The following IPO4 variants were observed in gnomAD, a reference collection of about 807,000 sequenced individuals.
IPO4 encodes the protein importin-4.
IPO4 carries 91 observed loss-of-function variants against 133.5 expected under a neutral mutation model. The observed-to-expected ratio is 0.68, with a 90% CI of 0.58 to 0.81. The LOEUF (loss-of-function observed/expected upper bound fraction) is 0.81, where lower values mean the gene tolerates loss of function less well. IPO4 is among the 30% of genes least tolerant of loss of function. IPO4 has a pLI of 0.00. For missense variants in IPO4, 1,279 were observed against 1,386.2 expected, an observed-to-expected ratio of 0.92 and a Z score of 1.23; for synonymous variants, 607 against 581.6, an observed-to-expected ratio of 1.04 and a Z score of -0.63.
intron 16 of IPO4, 69 bp downstream of exon 16, chr14:24,184,581 C>A: frequency 7.1e-7 from 1 of 1,412,390 alleles, no homozygotes; most frequent in South Asian, 1.4e-5. Flanking sequence ...TGGGGGCAAT[C>A]TGTCAACACC....
rs2039268055 is a variant in IPO4 at position 24,188,779 on chromosome 14, T to G, written c.9A>C (p.Ser3=). ME[S]AGLEQLLREL... The stretch of plus-strand genomic sequence containing the variant: ...CCCGTAGGAGCTGCTCTAGCCCGGC[T>G]GACTCCATGGCAGCAACTGAGCCGC... Residue 3 remains serine (S), a synonymous_variant, in exon 1 of 30, where the codon TCA becomes TCC. Transcript: ENST00000354464. 2 of 1,508,980 alleles carry G rather than the reference T, an allele frequency of 1.3e-6. No homozygotes were observed. The highest frequency in any genetic ancestry group is 1.8e-6 in the Non-Finnish European group (2 of 1,130,706). 93.5% of individuals were successfully genotyped at this position (1,508,980 alleles called of 1,614,324 possible). A position where few individuals can be genotyped will look rare whatever the true frequency, so the allele number is the denominator to read the frequency against.
At position 24,188,560 on chromosome 14, in the gene IPO4, C is replaced by G; in HGVS notation, c.148G>C (p.Asp50His). ...ALCDLLASAA[D>H]PQIRQFAAVL... ...AGAGTCAGGGGTCTCACCTGGGGGT[C>G]GGCCGCCGAGGCTAGCAGGTCGCAG... Residue 50 changes from aspartate to histidine, a missense_variant, in exon 2 of 30, where the codon GAC (aspartate) becomes CAC (histidine). By Grantham distance (81) the Asp-to-His change is moderately conservative (BLOSUM62 -1). Transcript: ENST00000354464. 4.3e-6 allele frequency: 7 copies of G among 1,612,220 alleles called. No individual in the cohort carries two copies. The highest frequency in any genetic ancestry group is 5.9e-6 in the Non-Finnish European group (7 of 1,179,368).
intron 23 of IPO4, 29 bp from the exon 24 acceptor site, chr14:24,182,871 C>T (rs775112476): frequency 6.2e-7 from 1 of 1,609,654 alleles, no homozygotes; most frequent in Non-Finnish European, 8.5e-7. Context: ...CTTAGCGGAG[C>T]TTTCACGCCC....
intron 12 of IPO4, 116 bp downstream of exon 12, chr14:24,185,745 C>A: frequency 2.0e-6 from 2 of 985,474 alleles, no homozygotes; most frequent in Non-Finnish European, 3.2e-6. Flanking sequence ...AGCCAGGACA[C>A]TTTTGATAAT....
chr14:24,181,370 G>T, intron 28 of IPO4, 143 bp downstream of exon 28: 2 of 663,330 alleles, frequency 3.0e-6, no homozygotes, highest in Admixed American at 4.8e-5. Flanking sequence ...ATGGTGCAGG[G>T]AGTACCAAAA....
At position 24,184,851 on chromosome 14, in the gene IPO4, C is replaced by T; in HGVS notation, c.1522+16G>A. Reference sequence around the variant, plus strand: ...TGGGTGAACCCCACATCCCTGCCTCCTGCCTCTCTCCTCACCAATGGCTCC... The same window carrying T: ...TGGGTGAACCCCACATCCCTGCCTCTTGCCTCTCTCCTCACCAATGGCTCC... On this transcript the variant is annotated intron_variant, in intron 15 of 29. Transcript: ENST00000354464. 6.2e-7 allele frequency: 1 copy of T among 1,611,934 alleles called. No homozygotes were observed. The highest frequency in any genetic ancestry group is 1.3e-5 in the African/African-American group (1 of 75,020).
Position 24,184,751 on chromosome 14 carries a change from T to G in IPO4, c.1535A>C (p.Gln512Pro), listed in dbSNP as rs373992845. ...AGGGAAGTAGGGCAGCAGCGAGGCC[T>G]GGGCAGCCGTAGCTGCAGGATGGAA... is the stretch of plus-strand genomic sequence containing the variant. ...SALGAIATAA[Q>P]ASLLPYFPAI... The change falls in exon 16 of 30, where the codon CAG becomes CCG. Residue 512 changes from glutamine (Q) to proline (P), a missense_variant. Gln to Pro is a moderately conservative substitution (Grantham distance 76, BLOSUM62 -1). Around this residue, in one of 3 missense-constraint regions of IPO4, gnomAD observed 695 missense variants for 704.1 expected, o/e 0.99. Coordinates refer to ENST00000354464, the MANE Select transcript of IPO4 (RefSeq NM_024658.4). 6.2e-7 allele frequency: 1 copy of G among 1,611,906 alleles called. No homozygotes were observed.
intron 28 of IPO4, among the ~76,000 whole-genome samples, 192 bp from the exon 29 acceptor site, chr14:24,180,950 G>A (rs2039127588): frequency 6.6e-6 from 1 of 152,018 alleles, no homozygotes. Context: ...TTTTTTGGAG[G>A]GAATGGGGGA....
Position 24,181,756 on chromosome 14 carries a change from A to T in IPO4, c.2895T>A (p.Leu965=). ...DRVRDNICGA[L]ARLLMASPTR... Reference sequence around the variant, plus strand: ...TGGGACTGGCCATCAACAGGCGGGCAAGTGCCCCACAGATGTTGTCACGGA... The same window carrying T: ...TGGGACTGGCCATCAACAGGCGGGCTAGTGCCCCACAGATGTTGTCACGGA... The change falls in exon 27 of 30, where the codon CTT becomes CTA. Residue 965 remains leucine, a synonymous_variant. Transcript: ENST00000354464. The T allele has an allele frequency of 6.2e-7, 1 of 1,602,474 alleles. No individual in the cohort carries two copies. Among genetic ancestry groups the T allele is most frequent in the Non-Finnish European group, 8.5e-7 (1 of 1,172,622 alleles).
intron 6 of IPO4, 71 bp downstream of exon 6, chr14:24,187,329 G>T: frequency 1.9e-6 from 3 of 1,564,542 alleles, no homozygotes; most frequent in Admixed American, 1.7e-5. Flanking sequence ...AAGCAGCTTT[G>T]TAACTTTTAC....
chr14:24,183,319 C>A lies in IPO4; in HGVS notation c.2158G>T (p.Ala720Ser). 1 of 1,612,984 alleles carries A rather than the reference C, an allele frequency of 6.2e-7. No homozygotes were observed. Among genetic ancestry groups the A allele is most frequent in the Non-Finnish European group, 8.5e-7 (1 of 1,179,486 alleles). ...HLNVRKAAHE[A>S]LGQFCCALHK... is the part of the protein sequence containing the mutation. Reference sequence around the variant, plus strand: ...AGTGCACAGCAAAACTGACCCAGAGCCTCATGGGCTGCCTTCCGCACATTC... The same window carrying A: ...AGTGCACAGCAAAACTGACCCAGAGACTCATGGGCTGCCTTCCGCACATTC... The change falls in exon 22 of 30, where the codon GCT (alanine) becomes TCT (serine). Residue 720 changes from alanine to serine, a missense_variant. Physicochemically the swap from Ala to Ser is moderately conservative, Grantham distance 99 (BLOSUM62 1). Transcript: ENST00000354464.
intron 11 of IPO4, 29 bp downstream of exon 11, chr14:24,186,098 AGG>A: frequency 6.2e-6 from 10 of 1,612,806 alleles, no homozygotes; most frequent in Non-Finnish European, 8.5e-6. Context: ...ACTTGGAGGT[AGG>A]GACACCAGAA....
Position 24,183,060 on chromosome 14 carries a change from G to A in IPO4, c.2337C>T (p.Leu779=), listed in dbSNP as rs1185779494. The stretch of plus-strand genomic sequence containing the variant: ...TCAGTGTGAGGGTCCCACAGCTGCG[G>A]AGCACCCCTGTCAGGGCCTCCAGCA... ...MAVLEALTGV[L]RSCGTLTLKP... is the part of the protein sequence containing the mutation. The change falls in exon 23 of 30, where the codon CTC becomes CTT. Residue 779 remains leucine (L), a synonymous_variant. Coordinates refer to ENST00000354464, the MANE Select transcript of IPO4 (RefSeq NM_024658.4). 1 of 1,613,718 alleles carries A rather than the reference G, an allele frequency of 6.2e-7. No homozygotes were observed. The highest frequency in any genetic ancestry group is 1.3e-5 in the African/African-American group (1 of 74,934).
Position 24,184,648 on chromosome 14 carries a change from A to C in IPO4, c.1636+2T>G. ...AGCCCCACCTGGGAACCTCTCACTC[A>C]CCCAGGCTCTGGATCTGCACAGGCT... On this transcript the variant is annotated splice_donor_variant, in intron 16 of 29. Coordinates refer to ENST00000354464, the MANE Select transcript of IPO4 (RefSeq NM_024658.4). LOFTEE classifies it high-confidence loss of function. The C allele has an allele frequency of 6.3e-7, 1 of 1,584,524 alleles. No homozygotes were observed. The highest frequency in any genetic ancestry group is 8.6e-7 in the Non-Finnish European group (1 of 1,164,294).
intron 19 of IPO4, 42 bp downstream of exon 19, chr14:24,183,741 G>A (rs1236394857): frequency 6.2e-7 from 1 of 1,614,050 alleles, no homozygotes; most frequent in Non-Finnish European, 8.5e-7. Context: ...CTTGTCTAAA[G>A]CCAAAGTCTA....
chr14:24,180,568 G>A lies in IPO4; in HGVS notation c.3120C>T (p.Thr1040=). The A allele has an allele frequency of 1.2e-6, 2 of 1,613,682 alleles. No homozygotes were observed. The highest frequency in any genetic ancestry group is 1.7e-6 in the Non-Finnish European group (2 of 1,179,598). The change falls in exon 30 of 30, where the codon ACC becomes ACT. Residue 1040 remains threonine (T), a synonymous_variant. Coordinates refer to ENST00000354464, the MANE Select transcript of IPO4 (RefSeq NM_024658.4). Reference sequence around the variant, plus strand: ...TCAGGAGCAGCAACAGTGCGGCCTTGGTGTCTGGGTGGAGAGGGAGGGAGA... The same window carrying A: ...TCAGGAGCAGCAACAGTGCGGCCTTAGTGTCTGGGTGGAGAGGGAGGGAGA... The part of the protein sequence containing the change: ...ILADNKIPPD[T]KAALLLLLTF...
chr14:24,186,786 AGCT>A lies in IPO4; in HGVS notation c.759_761del (p.Ala254del). On this transcript the variant is annotated inframe_deletion and splice_region_variant, in exon 9 of 30. Coordinates refer to ENST00000354464, the MANE Select transcript of IPO4 (RefSeq NM_024658.4). ...TCGCATTGCCCAGGGCCACATTTCT[AGCT>A]ACCTGTCCACAGAATAATAAAAATC... is the stretch of plus-strand genomic sequence containing the variant. The A allele has an allele frequency of 6.2e-7, 1 of 1,614,136 alleles. No homozygotes were observed. Among genetic ancestry groups the A allele is most frequent in the Non-Finnish European group, 8.5e-7 (1 of 1,179,966 alleles).
chr14:24,184,971 A>C lies in IPO4; in HGVS notation c.1418T>G (p.Val473Gly). ...CATAAGCTCCGGAAGGTAGGGCTGCACCTTGGGCCCTGTGGGAAAGGATGC... is the reference window on the plus strand; with the variant it reads ...CATAAGCTCCGGAAGGTAGGGCTGCCCCTTGGGCCCTGTGGGAAAGGATGC... Reference protein sequence around the residue: ...ENFVENLGPKVQPYLPELMEC... With the variant: ...ENFVENLGPKGQPYLPELMEC... Residue 473 changes from valine (V) to glycine (G), a missense_variant, in exon 15 of 30, where the codon GTG becomes GGG. Coordinates refer to ENST00000354464, the MANE Select transcript of IPO4 (RefSeq NM_024658.4). 9 of 1,613,558 alleles carry C rather than the reference A, an allele frequency of 5.6e-6. No homozygotes were observed. The highest frequency in any genetic ancestry group is 7.6e-6 in the Non-Finnish European group (9 of 1,179,824).
At chr14:24,185,002 T>TACCA in intron 14 of IPO4, 22 bp from the exon 15 acceptor site, 1 of 1,610,210 alleles carries the variant, frequency 6.2e-7, no homozygotes, top group East Asian at 2.2e-5. Context: ...GATGCTCCTC[T>TACCA]ACCAACCAAC....
Sources: allele counts gnomAD v4.1 joint callset (sites outside exome capture counted in the v4.1 genomes callset), GRCh38; gene constraint gnomAD v4.1.1; regional missense constraint gnomAD v4.1.1; transcripts MANE v1.5; gene names NCBI Gene and HGNC (gene_info 2026-07-23, HGNC 2026-07-21).